The following PTCH1 variants were observed in gnomAD, a reference collection of about 807,000 sequenced individuals.
PTCH1 encodes protein patched homolog 1.
Under a neutral mutation model 144.6 loss-of-function variants are expected in PTCH1, and 14 were observed. That is an observed-to-expected ratio of 0.10 (90% CI 0.06 to 0.15). PTCH1 has a LOEUF of 0.15. PTCH1 is among the 10% of genes least tolerant of loss of function. The probability of loss-of-function intolerance (pLI) is 1.00; values close to 1 mark genes in which losing one functional copy is unlikely to be tolerated. For missense variants in PTCH1, 1,623 were observed against 1,948.3 expected (o/e 0.83, Z 3.14); for synonymous variants, 833 against 793.6 (o/e 1.05, Z -0.83).
intron 13 of PTCH1, among the ~76,000 whole-genome samples, 178 bp downstream of exon 13, chr9:95,469,635 G>A (rs553258567): frequency 8.5e-5 from 13 of 152,258 alleles, no homozygotes; most frequent in African/African-American, 1.4e-4. Flanking sequence ...GGAGAAGGAA[G>A]CCCAGGGACT....
At chr9:95,474,100 G>T (rs1371568687) in intron 12 of PTCH1, 1 of 504,154 alleles carries the variant, frequency 2.0e-6, no homozygotes, top group Non-Finnish European at 4.0e-6. Flanking sequence ...ACACCACAGG[G>T]TATCATTAAA....
At chr9:95,514,837 C>G (rs1351983947) in intron 1 of PTCH1, among the ~76,000 whole-genome samples, 2 of 152,074 alleles carry the variant, frequency 1.3e-5, no homozygotes, top group African/African-American at 2.4e-5. Flanking sequence ...TACTTTATAA[C>G]CAGAAATTAG....
At chr9:95,516,015 C>A (rs1442393751) in intron 1 of PTCH1, among the ~76,000 whole-genome samples, 7 of 152,068 alleles carry the variant, frequency 4.6e-5, no homozygotes, top group Non-Finnish European at 1.0e-4. Flanking sequence ...CGCTGTCACT[C>A]TCCGCACCAG....
chr9:95,507,422 G>T (rs897251502), intron 1 of PTCH1: 2 of 985,348 alleles, frequency 2.0e-6, no homozygotes, highest in Non-Finnish European at 2.4e-6. Flanking sequence ...GCCTTCCCTG[G>T]ATTCCACACA....
At chr9:95,486,897 G>C (rs1842011826) in intron 2 of PTCH1, among the ~76,000 whole-genome samples, 1 of 152,186 alleles carries the variant, frequency 6.6e-6, no homozygotes, top group Non-Finnish European at 1.5e-5. Flanking sequence ...ACAGTCTAGG[G>C]CAAAGGAAGC....
intron 6 of PTCH1, 62 bp downstream of exon 6, chr9:95,480,324 GATGA>G: frequency 6.4e-7 from 1 of 1,572,334 alleles, no homozygotes; most frequent in Non-Finnish European, 8.7e-7. Context: ...TAAAGTGAAC[GATGA>G]ATGGACACAA....
At chr9:95,463,091 T>C (rs961878203) in intron 15 of PTCH1, among the ~76,000 whole-genome samples, 2 of 150,558 alleles carry the variant, frequency 1.3e-5, no homozygotes, top group Non-Finnish European at 3.0e-5. Context: ...GCTGTACATG[T>C]ATGGGTTGGA....
chr9:95,479,115 A>G lies in PTCH1; in HGVS notation c.1100T>C (p.Met367Thr). ...AHALQTMFQLMTPKQMYEHFK... is the reference protein window; with the variant it reads ...AHALQTMFQLTTPKQMYEHFK... The stretch of plus-strand genomic sequence containing the variant: ...GTGCTCGTACATTTGCTTGGGAGTC[A>G]TTAACTGGAACATGGTCTGCAGGGC... The change falls in exon 8 of 24, where the codon ATG becomes ACG. Residue 367 changes from methionine to threonine, a missense_variant. Met to Thr is a moderately conservative substitution (Grantham distance 81). This residue lies in a region of PTCH1 where 230 missense variants were observed against 271.0 expected (regional missense o/e 0.85). Transcript: ENST00000331920. The G allele has an allele frequency of 6.2e-7, 1 of 1,614,102 alleles. No homozygotes were observed. The highest frequency in any genetic ancestry group is 1.6e-4 in the Middle Eastern group (1 of 6,062).
chr9:95,467,389 C>A lies in PTCH1; in HGVS notation c.2287G>T (p.Val763Phe), dbSNP rs544963328. 33 of 1,614,132 alleles carry A rather than the reference C, an allele frequency of 2.0e-5. No individual in the cohort carries two copies. The highest frequency in any genetic ancestry group is 1.7e-4 in the Middle Eastern group (1 of 6,060). Residue 763 changes from valine to phenylalanine, a missense_variant, in exon 15 of 24, where the codon GTC (valine) becomes TTC (phenylalanine). Physicochemically the swap from Val to Phe is conservative, Grantham distance 50 (BLOSUM62 -1). Around this residue, in one of 7 missense-constraint regions of PTCH1, gnomAD observed 504 missense variants for 679.3 expected, o/e 0.74. Transcript: ENST00000331920. ...VIFLFLGLLG[V>F]SLYGTTRVRD... ...ACTCGGGTGGTGCCATAAAGGCTGA[C>A]CCCCAGCAAGCCCAGAAAAAGGAAG...
In PTCH1 at chr9:95,508,301, T is replaced by C. The variant is rs756724967; in HGVS notation, c.61A>G (p.Ile21Val). ...CCAGCCGGCCGTCCCGGGGCACCGATACAGCCGCTGCCGCCGCCGCCGCGG... is the reference window on the plus strand; with the variant it reads ...CCAGCCGGCCGTCCCGGGGCACCGACACAGCCGCTGCCGCCGCCGCCGCGG... ...QDRGGGGSGC[I>V]GAPGRPAGGG... is the part of the protein sequence containing the mutation. The change falls in exon 1 of 24, where the codon ATC becomes GTC. Residue 21 changes from isoleucine (I) to valine (V), a missense_variant. Physicochemically the swap from Ile to Val is conservative, Grantham distance 29 (BLOSUM62 3). Around this residue, in one of 7 missense-constraint regions of PTCH1, gnomAD observed 245 missense variants for 240.6 expected, o/e 1.02. Coordinates refer to ENST00000331920, the MANE Select transcript of PTCH1 (RefSeq NM_000264.5). 3.5e-6 allele frequency: 5 copies of C among 1,440,200 alleles called. No individual in the cohort carries two copies. Among genetic ancestry groups the C allele is most frequent in the Non-Finnish European group, 4.5e-6 (5 of 1,102,614 alleles). The allele number at this position is 1,440,200 out of a possible 1,614,324, so 89.2% of individuals were successfully genotyped here. A position where few individuals can be genotyped will look rare whatever the true frequency, so the allele number is the denominator to read the frequency against.
chr9:95,494,093 C>A (rs1176230567), intron 2 of PTCH1, among the ~76,000 whole-genome samples: 1 of 152,156 alleles, frequency 6.6e-6, no homozygotes, highest in Non-Finnish European at 1.5e-5. Flanking sequence ...CGGGACCGCA[C>A]GGGGCATGTG....
At chr9:95,502,443 A>G (rs953806970) in intron 2 of PTCH1, among the ~76,000 whole-genome samples, 2 of 152,192 alleles carry the variant, frequency 1.3e-5, no homozygotes, top group African/African-American at 4.8e-5. Flanking sequence ...CTATTTTTAT[A>G]CAATGACAAT....
intron 23 of PTCH1, 54 bp from the exon 24 acceptor site, chr9:95,446,445 G>A (rs1030826994): frequency 2.5e-5 from 13 of 516,634 alleles, no homozygotes; most frequent in Non-Finnish European, 3.5e-5. Flanking sequence ...GTGCAAGTCC[G>A]TATTTATAAA....
upstream of PTCH1, among the ~76,000 whole-genome samples, chr9:95,511,703 A>G (rs1844168541): frequency 6.6e-6 from 1 of 152,184 alleles, no homozygotes; most frequent in Admixed American, 6.5e-5. Context: ...TACGATCCTG[A>G]TGTTTATTAG....
At chr9:95,491,195 A>C (rs991798289) in intron 2 of PTCH1, among the ~76,000 whole-genome samples, 1 of 152,132 alleles carries the variant, frequency 6.6e-6, no homozygotes, top group Non-Finnish European at 1.5e-5. Flanking sequence ...GCCCTTTGAG[A>C]CCATATTCTT....
At chr9:95,479,505 G>A (rs985681030) in intron 7 of PTCH1, among the ~76,000 whole-genome samples, 2 of 152,158 alleles carry the variant, frequency 1.3e-5, no homozygotes, top group African/African-American at 4.8e-5. Flanking sequence ...AGACGGTGGC[G>A]TTCCCAAGGG....
chr9:95,486,055 A>T (rs554884150), intron 2 of PTCH1, among the ~76,000 whole-genome samples, 181 bp from the exon 3 acceptor site: 7 of 152,376 alleles, frequency 4.6e-5, no homozygotes, highest in African/African-American at 1.7e-4. Flanking sequence ...AATAGTAAAC[A>T]TAAAAAATAC....
At chr9:95,504,531 T>C (rs1843404894) in intron 2 of PTCH1, among the ~76,000 whole-genome samples, 1 of 152,330 alleles carries the variant, frequency 6.6e-6, no homozygotes, top group Non-Finnish European at 1.5e-5. Context: ...TTGGATCAAG[T>C]GGTGGATGAG....
At position 95,449,156 on chromosome 9, in the gene PTCH1, C is replaced by T. The variant is rs1299281832; in HGVS notation, c.3717G>A (p.Arg1239=). The change falls in exon 22 of 24, where the codon CGG becomes CGA. Residue 1239 remains arginine, a synonymous_variant. Coordinates refer to ENST00000331920, the MANE Select transcript of PTCH1 (RefSeq NM_000264.5). This position sits in a 1 kb window ranked among gnomAD's most constrained non-coding sequence, Gnocchi z 5.3. Reference sequence around the variant, plus strand: ...CCGCGCCCTGCTGGGCCTCGTAGTGCCGAAGCTCCTCGCTGAGGCCTGACA... The same window carrying T: ...CCGCGCCCTGCTGGGCCTCGTAGTGTCGAAGCTCCTCGCTGAGGCCTGACA... ...TTVSGLSEEL[R]HYEAQQGAGG... is the part of the protein sequence containing the mutation. 1 of 1,613,842 alleles carries T rather than the reference C, an allele frequency of 6.2e-7. No individual in the cohort carries two copies. Among genetic ancestry groups the T allele is most frequent in the East Asian group, 2.2e-5 (1 of 44,872 alleles).
Sources: allele counts gnomAD v4.1 joint callset (sites outside exome capture counted in the v4.1 genomes callset), GRCh38; gene constraint gnomAD v4.1.1; regional missense constraint gnomAD v4.1.1; non-coding constraint Gnocchi (gnomAD v3.1); transcripts MANE v1.5; gene names NCBI Gene and HGNC (gene_info 2026-07-23, HGNC 2026-07-21).